TBPL1: variants seen among roughly 807,000 people sequenced by gnomAD.
The protein encoded by TBPL1 is TATA box-binding protein-like 1.
Under a neutral mutation model 22.1 loss-of-function variants are expected in TBPL1, and 4 were observed. That is an observed-to-expected ratio of 0.18 (90% confidence interval 0.09 to 0.41). TBPL1 has a LOEUF of 0.41. TBPL1 is among the 10% of genes least tolerant of loss of function. The probability of loss-of-function intolerance (pLI) is 1.00; values close to 1 mark genes in which losing one functional copy is unlikely to be tolerated. For missense variants in TBPL1, 115 were observed against 222.3 expected, an observed-to-expected ratio of 0.52 and a Z score of 3.07; for synonymous variants, 64 against 71.0, an observed-to-expected ratio of 0.90 and a Z score of 0.50.
intron 1 of TBPL1, among the ~76,000 whole-genome samples, chr6:133,979,438 G>A (rs900371145): frequency 6.6e-6 from 1 of 152,102 alleles, no homozygotes; most frequent in Non-Finnish European, 1.5e-5. Flanking sequence ...CCTTGAACGT[G>A]GTGCATTTGG....
At chr6:133,982,448 A>G (rs1296650814) in intron 2 of TBPL1, 120 bp from the exon 3 acceptor site, 2 of 701,276 alleles carry the variant, frequency 2.9e-6, no homozygotes, top group African/African-American at 1.8e-5. Flanking sequence ...TTTGGAGAGC[A>G]GTTATTGCAG....
Position 133,987,648 on chromosome 6 carries a change from G to GTGTGTGTATATATATATA in TBPL1, c.*609_*610insGTGTGTATATATATATAT, listed in dbSNP as rs200249148. On this transcript the variant is annotated 3_prime_UTR_variant, in exon 7 of 7. Coordinates refer to ENST00000237264, the MANE Select transcript of TBPL1 (RefSeq NM_004865.4). ...TTTGTGTGTGTGTGTGTGTGTGTGT[G>GTGTGTGTATATATATATA]TATATATATATATATATATGCACCA... 5.7e-5 allele frequency: 5 copies of GTGTGTGTATATATATATA among 88,318 alleles called. No individual in the cohort carries two copies. Among genetic ancestry groups the GTGTGTGTATATATATATA allele is most frequent in the Non-Finnish European group, 1.1e-4 (4 of 35,236 alleles). The allele number at this position is 88,318 out of a possible 1,614,324, so 5.5% of individuals were successfully genotyped here.
Position 133,987,648 on chromosome 6 carries a change from G to GTGTATATATATATATATATA in TBPL1, c.*609_*610insGTATATATATATATATATAT, listed in dbSNP as rs200249148. ...TTTGTGTGTGTGTGTGTGTGTGTGT[G>GTGTATATATATATATATATA]TATATATATATATATATATGCACCA... is the stretch of plus-strand genomic sequence containing the variant. On this transcript the variant is annotated 3_prime_UTR_variant, in exon 7 of 7. Coordinates refer to ENST00000237264, the MANE Select transcript of TBPL1 (RefSeq NM_004865.4). 3.5e-4 allele frequency: 31 copies of GTGTATATATATATATATATA among 88,386 alleles called. No homozygotes were observed. The highest frequency in any genetic ancestry group is 1.1e-3 in the African/African-American group (30 of 27,570). The allele number at this position is 88,386 out of a possible 1,614,324, so 5.5% of individuals were successfully genotyped here. A position where few individuals can be genotyped will look rare whatever the true frequency, so the allele number is the denominator to read the frequency against.
chr6:133,974,184 C>A (rs536440581), intron 1 of TBPL1, among the ~76,000 whole-genome samples: 2 of 152,272 alleles, frequency 1.3e-5, no homozygotes, highest in East Asian at 3.9e-4. Flanking sequence ...TACATCTCTA[C>A]ATCTGTCTAG....
intron 1 of TBPL1, among the ~76,000 whole-genome samples, chr6:133,954,947 G>A (rs1775901358): frequency 6.6e-6 from 1 of 152,126 alleles, no homozygotes; most frequent in Non-Finnish European, 1.5e-5. Context: ...TGGAATTGAG[G>A]TCCAGTGTCT....
In TBPL1 at chr6:133,980,096, G is replaced by A. The variant is rs1447074783; in HGVS notation, c.-30G>A. 4 of 1,459,730 alleles carry A rather than the reference G, an allele frequency of 2.7e-6. No individual in the cohort carries two copies. The highest frequency in any genetic ancestry group is 3.6e-6 in the Non-Finnish European group (4 of 1,100,794). 90.4% of individuals were successfully genotyped at this position (1,459,730 alleles called of 1,614,324 possible). A position where few individuals can be genotyped will look rare whatever the true frequency, so the allele number is the denominator to read the frequency against. On this transcript the variant is annotated 5_prime_UTR_variant, in exon 2 of 7. Transcript: ENST00000237264. ...TTATTTCTCAGGATGTGATCTTCGT[G>A]GTGGAAAGCTAAATTTTAAAACCAC...
chr6:133,981,930 A>G (rs1483982022), intron 2 of TBPL1, among the ~76,000 whole-genome samples: 2 of 152,220 alleles, frequency 1.3e-5, no homozygotes, highest in African/African-American at 2.4e-5. Flanking sequence ...TGAATTTCCA[A>G]TTACATCTCC....
chr6:133,976,907 G>A (rs553514626), intron 1 of TBPL1, among the ~76,000 whole-genome samples: 4 of 151,254 alleles, frequency 2.6e-5, no homozygotes, highest in African/African-American at 4.9e-5. Context: ...GGCGGAGGTT[G>A]CCGTGAGCCA....
At chr6:133,979,113 T>C (rs926004136) in intron 1 of TBPL1, among the ~76,000 whole-genome samples, 3 of 152,214 alleles carry the variant, frequency 2.0e-5, no homozygotes, top group East Asian at 3.8e-4. Flanking sequence ...ATAAAAATGG[T>C]ATTATGCAAA....
At position 133,987,371 on chromosome 6, in the gene TBPL1, G is replaced by A. The variant is rs545042270; in HGVS notation, c.*331G>A. On this transcript the variant is annotated 3_prime_UTR_variant, in exon 7 of 7. Transcript: ENST00000237264. ...TCATTGTTATTTTTTTCCATTTTGA[G>A]CTAATGTGTTTTATTTGTGAATAGT... The A allele has an allele frequency of 6.2e-6, 1 of 162,426 alleles. No individual in the cohort carries two copies. Among genetic ancestry groups the A allele is most frequent in the South Asian group, 2.0e-4 (1 of 4,938 alleles). The allele number at this position is 162,426 out of a possible 1,614,324, so 10.1% of individuals were successfully genotyped here.
In TBPL1 at chr6:133,987,646, G is replaced by GTATATATATA. The variant is rs1165164380; in HGVS notation, c.*607_*608insATATATATAT. ...ATTTTGTGTGTGTGTGTGTGTGTGT[G>GTATATATATA]TGTATATATATATATATATATGCAC... On this transcript the variant is annotated 3_prime_UTR_variant, in exon 7 of 7. Coordinates refer to ENST00000237264, the MANE Select transcript of TBPL1 (RefSeq NM_004865.4). The GTATATATATA allele has an allele frequency of 5.4e-4, 72 of 133,254 alleles. No homozygotes were observed. Among genetic ancestry groups the GTATATATATA allele is most frequent in the African/African-American group, 1.8e-3 (65 of 36,170 alleles). 8.3% of individuals were successfully genotyped at this position (133,254 alleles called of 1,614,324 possible).
chr6:133,986,099 C>A (rs537715202), intron 6 of TBPL1: 3 of 152,244 alleles, frequency 2.0e-5, no homozygotes, highest in South Asian at 4.1e-4. Flanking sequence ...TGAAATGTTA[C>A]TGAATTGGTT....
intron 1 of TBPL1, among the ~76,000 whole-genome samples, chr6:133,959,180 C>A (rs1234609931): frequency 1.3e-5 from 2 of 152,118 alleles, no homozygotes; most frequent in Non-Finnish European, 2.9e-5. Context: ...GTTGGGATTA[C>A]AGGCATGCGC....
rs1776551151 is a variant in TBPL1 at position 133,987,590 on chromosome 6, G to A, written c.*550G>A. On this transcript the variant is annotated 3_prime_UTR_variant, in exon 7 of 7. Coordinates refer to ENST00000237264, the MANE Select transcript of TBPL1 (RefSeq NM_004865.4). The stretch of plus-strand genomic sequence containing the variant: ...AAATCTATGCAAGCTTAAGACTTTG[G>A]CTAAAGTGTGTTGGCTTCTTTTTGA... The A allele has an allele frequency of 1.3e-5, 2 of 149,080 alleles. No individual in the cohort carries two copies. The highest frequency in any genetic ancestry group is 4.3e-4 in the South Asian group (2 of 4,678). The allele number at this position is 149,080 out of a possible 1,614,324, so 9.2% of individuals were successfully genotyped here.
chr6:133,957,566 A>C (rs1775948499), intron 1 of TBPL1, among the ~76,000 whole-genome samples: 1 of 152,198 alleles, frequency 6.6e-6, no homozygotes, highest in Non-Finnish European at 1.5e-5. Context: ...AATTACAAGT[A>C]TTTTCACTGT....
chr6:133,981,975 T>C (rs1776421287), intron 2 of TBPL1, among the ~76,000 whole-genome samples: 1 of 152,214 alleles, frequency 6.6e-6, no homozygotes, highest in Non-Finnish European at 1.5e-5. Context: ...AAGATGCCGA[T>C]GTTGAACTTG....
intron 1 of TBPL1, among the ~76,000 whole-genome samples, chr6:133,954,919 C>T (rs1775901034): frequency 6.6e-6 from 1 of 152,108 alleles, no homozygotes; most frequent in Non-Finnish European, 1.5e-5. Context: ...CAGGCGTTTT[C>T]ATCTTAAGCT....
At chr6:133,984,107 T>G (rs1168871663) in intron 4 of TBPL1, among the ~76,000 whole-genome samples, 4 of 152,180 alleles carry the variant, frequency 2.6e-5, no homozygotes, top group Admixed American at 2.0e-4. Flanking sequence ...TCACTTAAAG[T>G]ATTAAAAAAT....
chr6:133,955,267 G>A (rs1309835733), intron 1 of TBPL1, among the ~76,000 whole-genome samples: 2 of 149,358 alleles, frequency 1.3e-5, no homozygotes, highest in Admixed American at 1.4e-4. Flanking sequence ...CATTGTTTGA[G>A]TGAGGGTCAA....
Sources: allele counts gnomAD v4.1 joint callset (sites outside exome capture counted in the v4.1 genomes callset), GRCh38; gene constraint gnomAD v4.1.1; transcripts MANE v1.5; gene names NCBI Gene and HGNC (gene_info 2026-07-23, HGNC 2026-07-21).